SCAI: variants seen among roughly 807,000 people sequenced by gnomAD.
The protein encoded by SCAI is protein SCAI.
A neutral mutation model predicts 92.2 loss-of-function variants in SCAI; 24 were observed. The ratio of observed to expected loss-of-function variants is 0.26; its 90% CI spans 0.19 to 0.37. SCAI has a LOEUF of 0.37. SCAI is among the 10% of genes least tolerant of loss of function. The pLI, the probability that SCAI is intolerant of heterozygous loss-of-function variation, is 1.00. For synonymous variants in SCAI, 261 were observed against 258.6 expected, an observed-to-expected ratio of 1.01 and a Z score of -0.09; for missense variants, 450 against 736.2, an observed-to-expected ratio of 0.61 and a Z score of 4.50.
At chr9:124,973,895 T>C (rs1393978027) in intron 15 of SCAI, among the ~76,000 whole-genome samples, 1 of 152,194 alleles carries the variant, frequency 6.6e-6, no homozygotes, top group Admixed American at 6.5e-5. Flanking sequence ...CCACAGCACA[T>C]GCAAATTCTC....
chr9:125,046,196 G>GATAGATATATATATATAT lies in SCAI; in HGVS notation c.230+9679_230+9680insATATATATATATATCTAT, dbSNP rs1554784575. ...CAACAAGTGAATAAAGAAATTGTGA[G>GATAGATATATATATATAT]ATATATATATATATATATATATATA... is the stretch of plus-strand genomic sequence containing the variant. On this transcript the variant is annotated intron_variant, in intron 3 of 17. Coordinates refer to ENST00000336505, the MANE Select transcript of SCAI (RefSeq NM_001144877.3). Among the ~76,000 whole-genome samples, 5 of 51,880 alleles carry GATAGATATATATATATAT rather than the reference G, an allele frequency of 9.6e-5. 1 individual carries two copies. The highest frequency in any genetic ancestry group is 2.3e-4 in the Admixed American group (1 of 4,404). 34.0% of individuals were successfully genotyped at this position (51,880 alleles called of 152,430 possible). A position where few individuals can be genotyped will look rare whatever the true frequency, so the allele number is the denominator to read the frequency against.
chr9:125,005,926 G>A (rs76532498), intron 9 of SCAI, among the ~76,000 whole-genome samples: 1 of 151,976 alleles, frequency 6.6e-6, no homozygotes, highest in Middle Eastern at 3.2e-3. Context: ...AAGAATTCAC[G>A]GCCATATGCT....
intron 14 of SCAI, among the ~76,000 whole-genome samples, chr9:124,987,857 G>A (rs1054866244): frequency 6.6e-6 from 1 of 152,072 alleles, no homozygotes; most frequent in African/African-American, 2.4e-5. Flanking sequence ...CAGCTACTTG[G>A]GAGGCTAAGG....
intron 2 of SCAI, among the ~76,000 whole-genome samples, chr9:125,109,164 C>T (rs1318662767): frequency 2.0e-5 from 3 of 152,132 alleles, no homozygotes; most frequent in Non-Finnish European, 4.4e-5. Flanking sequence ...AGGCAGCATG[C>T]TCGTTAAGAG....
intron 2 of SCAI, among the ~76,000 whole-genome samples, chr9:125,112,896 A>C (rs1834959783): frequency 6.6e-6 from 1 of 152,258 alleles, no homozygotes; most frequent in African/African-American, 2.4e-5. Flanking sequence ...AACTGAAAAG[A>C]GCTCCCAATG....
At chr9:124,986,046 C>T (rs1831984130) in intron 14 of SCAI, among the ~76,000 whole-genome samples, 1 of 152,064 alleles carries the variant, frequency 6.6e-6, no homozygotes, top group Non-Finnish European at 1.5e-5. Flanking sequence ...AATCCCAGTA[C>T]TTTGGGAGGC....
chr9:124,973,805 CG>C (rs2131591200), intron 15 of SCAI, among the ~76,000 whole-genome samples: 1 of 147,530 alleles, frequency 6.8e-6, no homozygotes, highest in South Asian at 2.2e-4. Flanking sequence ...CTAGCCTGGG[CG>C]ACAGTGCAAG....
In SCAI at chr9:125,090,755, G is replaced by A. The variant is rs530746226; in HGVS notation, c.99-34748C>T. ...CCCAAACTGCTGGGATTACAGGGGT[G>A]TGCCACCATGCTTGGCCTCAGAGTA... On this transcript the variant is annotated intron_variant, in intron 2 of 17. Transcript: ENST00000336505. Among the ~76,000 whole-genome samples, 55 of 152,234 alleles carry A rather than the reference G, an allele frequency of 3.6e-4. 2 individuals are homozygous for A. In the South Asian group the frequency reaches 0.01, roughly 29 times the overall value.
intron 9 of SCAI, among the ~76,000 whole-genome samples, chr9:125,015,973 T>G (rs1362758986): frequency 7.6e-6 from 1 of 131,924 alleles, no homozygotes; most frequent in Non-Finnish European, 1.5e-5. Context: ...AGGTGGGAAC[T>G]GAACAATGAG....
At position 124,942,850 on chromosome 9, in the gene SCAI, C is replaced by T. The variant is rs892456206; in HGVS notation, c.*9957G>A. Reference sequence around the variant, plus strand: ...TCATCCTCTAGTACTGAAGTGCCCTCAAGGTGGTAGGCACTGTATAGCAGG... The same window carrying T: ...TCATCCTCTAGTACTGAAGTGCCCTTAAGGTGGTAGGCACTGTATAGCAGG... On this transcript the variant is annotated 3_prime_UTR_variant, in exon 18 of 18. Coordinates refer to ENST00000336505, the MANE Select transcript of SCAI (RefSeq NM_001144877.3). The T allele has an allele frequency of 2.0e-5, 3 of 152,180 alleles. No homozygotes were observed. The highest frequency in any genetic ancestry group is 4.4e-5 in the Non-Finnish European group (3 of 68,036). 9.4% of individuals were successfully genotyped at this position (152,180 alleles called of 1,614,324 possible). A position where few individuals can be genotyped will look rare whatever the true frequency, so the allele number is the denominator to read the frequency against.
intron 2 of SCAI, among the ~76,000 whole-genome samples, chr9:125,088,484 C>G (rs569655295): frequency 9.8e-5 from 15 of 152,330 alleles, no homozygotes; most frequent in African/African-American, 3.4e-4. Context: ...TGCTTCCCCT[C>G]TGCCTTTCTC....
chr9:125,037,360 A>G (rs1341738933), intron 3 of SCAI, among the ~76,000 whole-genome samples: 2 of 151,644 alleles, frequency 1.3e-5, no homozygotes, highest in African/African-American at 4.8e-5. Context: ...GTATCATTTG[A>G]GCCAAGGAGG....
At chr9:124,994,688 A>T (rs1027615310) in intron 14 of SCAI, among the ~76,000 whole-genome samples, 1 of 151,444 alleles carries the variant, frequency 6.6e-6, no homozygotes, top group Non-Finnish European at 1.5e-5. Context: ...GAAATCTTGA[A>T]TTTTTTTTTC....
At chr9:125,065,903 A>T (rs1266602912) in intron 2 of SCAI, 15 of 668,554 alleles carry the variant, frequency 2.2e-5, no homozygotes, top group Non-Finnish European at 3.5e-5. Context: ...TAAGAAAAAG[A>T]AACCAACTCA....
intron 7 of SCAI, among the ~76,000 whole-genome samples, chr9:125,020,011 T>C (rs1449781117): frequency 6.8e-6 from 1 of 148,130 alleles, no homozygotes; most frequent in Admixed American, 6.9e-5. Context: ...GAGGCAGAGG[T>C]TGCAGTGAGA....
At chr9:125,070,462 C>T (rs1195015094) in intron 2 of SCAI, among the ~76,000 whole-genome samples, 1 of 144,500 alleles carries the variant, frequency 6.9e-6, no homozygotes, top group Non-Finnish European at 1.5e-5. Context: ...TGCAGCAGTG[C>T]AATCTCAGCT....
At chr9:125,016,437 T>C (rs1445881578) in intron 9 of SCAI, among the ~76,000 whole-genome samples, 2 of 146,012 alleles carry the variant, frequency 1.4e-5, no homozygotes, top group Admixed American at 7.0e-5. Flanking sequence ...GTCAGTTATC[T>C]AAGCAAATTA....
chr9:124,995,432 T>C (rs1401923185), intron 13 of SCAI, among the ~76,000 whole-genome samples: 3 of 152,178 alleles, frequency 2.0e-5, no homozygotes, highest in Admixed American at 6.6e-5. Context: ...ATTTTTAATA[T>C]TTCAGGCTAC....
At chr9:125,140,812 T>A (rs372575851) in intron 2 of SCAI, among the ~76,000 whole-genome samples, 1 of 151,566 alleles carries the variant, frequency 6.6e-6, no homozygotes, top group Non-Finnish European at 1.5e-5. Flanking sequence ...TATGCTGAGA[T>A]TGCACCACTG....
Sources: gnomAD v4.1 joint callset for allele counts (sites outside exome capture counted in the v4.1 genomes callset) on GRCh38, gnomAD v4.1.1 for gene constraint, MANE v1.5 for transcripts, NCBI Gene and HGNC (gene_info 2026-07-23, HGNC 2026-07-21) for gene names.